The following TRA2A variants were observed in gnomAD, a reference collection of about 807,000 sequenced individuals.
The protein encoded by TRA2A is transformer-2 protein homolog alpha.
In TRA2A, 31 loss-of-function variants were observed where a neutral mutation model predicts 45.7. That is an observed-to-expected ratio of 0.68 (90% CI 0.51 to 0.92). The LOEUF is 0.92. TRA2A is among the 40% of genes least tolerant of loss of function. TRA2A has a pLI of 0.00. For missense variants in TRA2A, 304 were observed against 367.5 expected (o/e 0.83, Z 1.41); for synonymous variants, 132 against 126.2 (o/e 1.05, Z -0.31).
rs2127998252 is a variant in TRA2A at position 23,520,859 on chromosome 7, A to G, written c.170+848T>C. On this transcript the variant is annotated intron_variant, in intron 2 of 7. Transcript: ENST00000297071. ...AGGTGCCCGCCACCCCGCCCAGCTA[A>G]TTTTTGTATTTGTAGTAGAGGCAGG... Among the ~76,000 whole-genome samples, 2 of 151,852 alleles carry G rather than the reference A, an allele frequency of 1.3e-5. 1 individual carries two copies. Among genetic ancestry groups the G allele is most frequent in the South Asian group, 4.2e-4 (2 of 4,786 alleles).
intron 1 of TRA2A, among the ~76,000 whole-genome samples, chr7:23,525,629 TTC>T (rs980566702): frequency 1.3e-5 from 2 of 152,198 alleles, no homozygotes; most frequent in African/African-American, 4.8e-5. Flanking sequence ...TGTTTGGTTT[TTC>T]TGTCACCCAG....
At chr7:23,508,275 T>TTA (rs1468918381) in intron 4 of TRA2A, among the ~76,000 whole-genome samples, 15 of 101,528 alleles carry the variant, frequency 1.5e-4, no homozygotes, top group Admixed American at 9.1e-4. Flanking sequence ...TAAAGGTCAT[T>TTA]AAAAAAAAAA....
chr7:23,519,749 A>G (rs551301635), intron 2 of TRA2A, among the ~76,000 whole-genome samples: 2 of 152,368 alleles, frequency 1.3e-5, no homozygotes, highest in African/African-American at 2.4e-5. Context: ...ATACAGGAAT[A>G]AAACTAATGA....
chr7:23,515,691 G>A (rs901495284), intron 3 of TRA2A, among the ~76,000 whole-genome samples: 3 of 151,828 alleles, frequency 2.0e-5, no homozygotes, highest in Admixed American at 6.6e-5. Context: ...GATTACAGGC[G>A]TAAGCCACCA....
In TRA2A at chr7:23,512,627, T is replaced by G. The variant is rs547947666; in HGVS notation, c.525+267A>C. 3.9e-5 allele frequency among the ~76,000 whole-genome samples: 6 copies of G among 152,026 alleles called. 1 individual carries two copies. The South Asian group carries it at 1.2e-3, about 32-fold the overall frequency. The stretch of plus-strand genomic sequence containing the variant: ...GCGCCGGCCACCACGCCTGGCTAAT[T>G]GTTTGTATTTTTAGTAGAGACGGGG... On this transcript the variant is annotated intron_variant, in intron 4 of 7. Transcript: ENST00000297071.
chr7:23,531,308 G>A (rs1052752303), intron 1 of TRA2A: 13 of 950,602 alleles, frequency 1.4e-5, no homozygotes, highest in Non-Finnish European at 1.6e-5. Context: ...GCCCCAGCTA[G>A]TCCCACGCCA....
intron 4 of TRA2A, among the ~76,000 whole-genome samples, chr7:23,511,044 C>T (rs1789577305): frequency 6.6e-6 from 1 of 151,892 alleles, no homozygotes; most frequent in African/African-American, 2.4e-5. Flanking sequence ...TGGCTTCTAC[C>T]CACCAGATGC....
Position 23,516,410 on chromosome 7 carries a change from G to A in TRA2A, c.289C>T (p.Arg97Ter), listed in dbSNP as rs762907984. The part of the protein sequence containing the change: ...YTPEYRRRRS[R>*]SHSPMSNRRR... Reference sequence around the variant, plus strand: ...CGGTTAGACATTGGAGAATGGCTTCGGCTCCTTCGCCGCCGGTATTCTGGT... The same window carrying A: ...CGGTTAGACATTGGAGAATGGCTTCAGCTCCTTCGCCGCCGGTATTCTGGT... The change falls in exon 3 of 8, where the codon CGA becomes TGA. Residue 97 changes from arginine (R) to a stop codon, truncating the protein, a stop_gained. Transcript: ENST00000297071. LOFTEE classifies it high-confidence loss of function. The A allele has an allele frequency of 4.3e-6, 7 of 1,614,054 alleles. No homozygotes were observed. Among genetic ancestry groups the A allele is most frequent in the South Asian group, 1.1e-5 (1 of 91,088 alleles).
At chr7:23,528,940 A>G (rs916816648) in intron 1 of TRA2A, among the ~76,000 whole-genome samples, 1 of 152,212 alleles carries the variant, frequency 6.6e-6, no homozygotes, top group African/African-American at 2.4e-5. Context: ...GAAAACATAA[A>G]TAACTCTGGA....
At chr7:23,511,504 A>C (rs1584114867) in intron 4 of TRA2A, among the ~76,000 whole-genome samples, 1 of 151,642 alleles carries the variant, frequency 6.6e-6, no homozygotes, top group Non-Finnish European at 1.5e-5. Context: ...AAAAGACAGA[A>C]GGTCTAACAA....
intron 1 of TRA2A, chr7:23,531,247 T>C: frequency 1.0e-6 from 1 of 986,826 alleles, no homozygotes; most frequent in Non-Finnish European, 1.2e-6. Context: ...ACGCCGCCGG[T>C]TCCAACAGAG....
intron 5 of TRA2A, 83 bp downstream of exon 5, chr7:23,507,337 G>C (rs927657208): frequency 7.4e-5 from 80 of 1,088,020 alleles, no homozygotes; most frequent in Middle Eastern, 4.1e-4. Flanking sequence ...TCTAATTATA[G>C]GAAAAAAGTT....
chr7:23,526,194 T>C (rs1372272893), intron 1 of TRA2A, among the ~76,000 whole-genome samples: 1 of 152,208 alleles, frequency 6.6e-6, no homozygotes, highest in Non-Finnish European at 1.5e-5. Context: ...TCTTTTAATA[T>C]AGCCTGTGTC....
chr7:23,511,903 A>G (rs924131387), intron 4 of TRA2A, among the ~76,000 whole-genome samples: 7 of 152,254 alleles, frequency 4.6e-5, no homozygotes, highest in African/African-American at 1.7e-4. Flanking sequence ...ATGAACATTT[A>G]GAGAATAGAA....
Position 23,523,146 on chromosome 7 carries a change from C to A in TRA2A, c.37-1306G>T, listed in dbSNP as rs114799940. The stretch of plus-strand genomic sequence containing the variant: ...ATTATCCACGACATACCACAATGTG[C>A]AAGAAGGTACAAAATTTATATCATA... On this transcript the variant is annotated intron_variant, in intron 1 of 7. Transcript: ENST00000297071. Among the ~76,000 whole-genome samples, 607 of 152,208 alleles carry A rather than the reference C, an allele frequency of 4.0e-3. 4 individuals carry two copies. Among genetic ancestry groups the A allele is most frequent in the African/African-American group, 0.014 (589 of 41,532 alleles).
At chr7:23,516,654 G>A in intron 2 of TRA2A, 126 bp from the exon 3 acceptor site, 2 of 778,428 alleles carry the variant, frequency 2.6e-6, no homozygotes, top group South Asian at 1.9e-5. Flanking sequence ...CTGAGGAAAG[G>A]GTATTCTTCC....
At chr7:23,523,683 A>G (rs1027934515) in intron 1 of TRA2A, among the ~76,000 whole-genome samples, 25 of 152,194 alleles carry the variant, frequency 1.6e-4, no homozygotes, top group Non-Finnish European at 3.1e-4. Flanking sequence ...GCTACCTACA[A>G]GTCTTTCACT....
chr7:23,519,694 T>G (rs1790046968), intron 2 of TRA2A, among the ~76,000 whole-genome samples: 1 of 152,196 alleles, frequency 6.6e-6, no homozygotes, highest in Non-Finnish European at 1.5e-5. Context: ...AACTAAGTAA[T>G]CAAGCAAAAT....
chr7:23,506,134 T>C lies in TRA2A; in HGVS notation c.770+4A>G, dbSNP rs372886532. The C allele has an allele frequency of 1.2e-5, 20 of 1,603,026 alleles. No individual in the cohort carries two copies. The highest frequency in any genetic ancestry group is 6.7e-5 in the East Asian group (3 of 44,772). ...AGAACAGAAAGCTCAAGTTAAAACA[T>C]TACCTGTATCGGTAATCATAGTCTT... On this transcript the variant is annotated splice_donor_region_variant and intron_variant, in intron 6 of 7. Coordinates refer to ENST00000297071, the MANE Select transcript of TRA2A (RefSeq NM_013293.5).
Sources: gnomAD v4.1 joint callset for allele counts (sites outside exome capture counted in the v4.1 genomes callset) on GRCh38, gnomAD v4.1.1 for gene constraint, MANE v1.5 for transcripts, NCBI Gene and HGNC (gene_info 2026-07-23, HGNC 2026-07-21) for gene names.